WDR19: variants seen among roughly 807,000 people sequenced by gnomAD.
The protein encoded by WDR19 is WD repeat domain 19.
Under a neutral mutation model 180.0 loss-of-function variants are expected in WDR19, and 121 were observed. The observed-to-expected ratio is 0.67, with a 90% CI of 0.58 to 0.78. The LOEUF is 0.78. WDR19 is among the 30% of genes least tolerant of loss of function. WDR19 has a pLI of 0.00. For synonymous variants in WDR19, 497 were observed against 540.7 expected (o/e 0.92, Z 1.12); for missense variants, 1,450 against 1,640.7 (o/e 0.88, Z 2.01).
chr4:39,244,219 A>G, intron 21 of WDR19, 29 bp from the exon 22 acceptor site: 1 of 1,602,174 alleles, frequency 6.2e-7, no homozygotes, highest in South Asian at 1.1e-5. Context: ...CTAGAATCTG[A>G]TTTGTTAGTG....
chr4:39,279,892 G>A (rs547232614), intron 36 of WDR19, among the ~76,000 whole-genome samples: 174 of 151,746 alleles, frequency 1.1e-3, no homozygotes, highest in African/African-American at 3.7e-3. Flanking sequence ...TAGTGGAGAC[G>A]GGGTTTCACC....
At chr4:39,233,064 A>T (rs1731041260) in intron 19 of WDR19, among the ~76,000 whole-genome samples, 1 of 152,182 alleles carries the variant, frequency 6.6e-6, no homozygotes, top group Non-Finnish European at 1.5e-5. Context: ...ATCATGTATT[A>T]ATTCATTTAA....
chr4:39,263,060 TCACCCACGCC>T (rs1734444544), intron 28 of WDR19, among the ~76,000 whole-genome samples: 1 of 150,584 alleles, frequency 6.6e-6, no homozygotes, highest in African/African-American at 2.4e-5. Context: ...TGCTTGTGCT[TCACCCACGCC>T]CACCCACCCC....
intron 36 of WDR19, among the ~76,000 whole-genome samples, chr4:39,285,136 G>A (rs1281622199): frequency 6.6e-6 from 1 of 150,960 alleles, no homozygotes; most frequent in Non-Finnish European, 1.5e-5. Flanking sequence ...TGAAGCTGTT[G>A]TTCACTGGCG....
rs1730942310 is a variant in WDR19, at chr4:39,232,185, G to A, written c.2166G>A (p.Leu722=). ...QIKGIEDYNL[L]AGHLAMFTND... is the part of the protein sequence containing the mutation. Reference sequence around the variant, plus strand: ...AGGGAATAGAGGACTACAATCTTTTGGCAGGACACCTTGCCATGTTTACCA... The same window carrying A: ...AGGGAATAGAGGACTACAATCTTTTAGCAGGACACCTTGCCATGTTTACCA... The change falls in exon 19 of 37, where the codon TTG becomes TTA. Residue 722 remains leucine, a synonymous_variant. Coordinates refer to ENST00000399820, the MANE Select transcript of WDR19 (RefSeq NM_025132.4). 1 of 1,613,020 alleles carries A rather than the reference G, an allele frequency of 6.2e-7. No homozygotes were observed. Among genetic ancestry groups the A allele is most frequent in the East Asian group, 2.2e-5 (1 of 44,846 alleles).
At chr4:39,222,228 G>A (rs73136728) in intron 14 of WDR19, among the ~76,000 whole-genome samples, 1,580 of 152,178 alleles carry the variant, frequency 0.01, 26 homozygotes, top group African/African-American at 0.036. Context: ...TTGGTGAAGC[G>A]TCTGTTCAAA....
At chr4:39,219,113 A>C (rs1729397088) in intron 14 of WDR19, 1 of 152,230 alleles carries the variant, frequency 6.6e-6, no homozygotes, top group Admixed American at 6.5e-5. Context: ...TTTTTTTAAT[A>C]AATAGAAGTG....
At chr4:39,273,098 A>C in intron 32 of WDR19, 37 bp downstream of exon 32, 1 of 1,501,426 alleles carries the variant, frequency 6.7e-7, no homozygotes. Flanking sequence ...CCCATGCCCC[A>C]TGCCCCATGC....
intron 15 of WDR19, among the ~76,000 whole-genome samples, chr4:39,225,438 C>T (rs962782876): frequency 6.6e-6 from 1 of 152,074 alleles, no homozygotes; most frequent in African/African-American, 2.4e-5. Context: ...ATCCTGAGCA[C>T]AAGGAACAGG....
At chr4:39,203,112 CTTT>C (rs553565048) in intron 6 of WDR19, among the ~76,000 whole-genome samples, 10 of 135,662 alleles carry the variant, frequency 7.4e-5, no homozygotes, top group Non-Finnish European at 8.0e-5. Flanking sequence ...CTTTTTCTTT[CTTT>C]TTTTTTTTTT....
intron 6 of WDR19, among the ~76,000 whole-genome samples, chr4:39,203,139 T>C (rs1480864574): frequency 6.7e-6 from 1 of 148,596 alleles, no homozygotes; most frequent in Non-Finnish European, 1.5e-5. Flanking sequence ...TGAGACAGGG[T>C]CTTGCTCTGA....
chr4:39,199,097 C>T (rs1017435720), intron 5 of WDR19, among the ~76,000 whole-genome samples: 1 of 151,980 alleles, frequency 6.6e-6, no homozygotes. Flanking sequence ...GCCTGGGAAG[C>T]AGAGGTTGCA....
At chr4:39,280,119 GTTTTT>G (rs551041321) in intron 36 of WDR19, among the ~76,000 whole-genome samples, 1 of 53,974 alleles carries the variant, frequency 1.9e-5, no homozygotes, top group East Asian at 5.7e-4. Flanking sequence ...CCCTTTTCTT[GTTTTT>G]TTTTTTTTTT....
At chr4:39,241,527 G>A (rs1464513002) in intron 21 of WDR19, among the ~76,000 whole-genome samples, 1 of 150,558 alleles carries the variant, frequency 6.6e-6, no homozygotes, top group Non-Finnish European at 1.5e-5. Flanking sequence ...CCGGGGCCGG[G>A]CACAGTGGCT....
rs1221235875 is a variant in WDR19 at position 39,253,957 on chromosome 4, G to A, written c.2928G>A (p.Met976Ile). The change falls in exon 26 of 37, where the codon ATG becomes ATA. Residue 976 changes from methionine (M) to isoleucine (I), a missense_variant. Coordinates refer to ENST00000399820, the MANE Select transcript of WDR19 (RefSeq NM_025132.4). ...GGTCTGCCATCCAGTTTCTTGTCAT[G>A]TCCAAATGCAACAATGAAGCTTTCA... is the stretch of plus-strand genomic sequence containing the variant. ...DYGSAIQFLV[M>I]SKCNNEAFTL... 2.5e-6 allele frequency: 4 copies of A among 1,611,692 alleles called. No homozygotes were observed.
In WDR19 at chr4:39,240,351, ATAAGATATGCC is replaced by A; in HGVS notation, c.2421+21_2421+31del. 1 of 1,389,162 alleles carries A rather than the reference ATAAGATATGCC, an allele frequency of 7.2e-7. No homozygotes were observed. Among genetic ancestry groups the A allele is most frequent in the South Asian group, 1.7e-5 (1 of 57,170 alleles). The allele number at this position is 1,389,162 out of a possible 1,614,324, so 86.1% of individuals were successfully genotyped here. On this transcript the variant is annotated intron_variant, in intron 21 of 36. Coordinates refer to ENST00000399820, the MANE Select transcript of WDR19 (RefSeq NM_025132.4). ...GATAATAAGGTAACCTTGGATAAAGATAAGATATGCCTAATTATGTCTGGGTTTGTTTTCAG... is the reference window on the plus strand; with the variant it reads ...GATAATAAGGTAACCTTGGATAAAGATAATTATGTCTGGGTTTGTTTTCAG...
intron 27 of WDR19, 36 bp from the exon 28 acceptor site, chr4:39,257,450 T>G: frequency 6.5e-7 from 1 of 1,547,480 alleles, no homozygotes; most frequent in Non-Finnish European, 8.8e-7. Flanking sequence ...GTGAAAACAT[T>G]CTGAAAATTT....
intron 4 of WDR19, among the ~76,000 whole-genome samples, chr4:39,193,802 G>C (rs1315923525): frequency 6.6e-6 from 1 of 152,160 alleles, no homozygotes; most frequent in Non-Finnish European, 1.5e-5. Flanking sequence ...CAGGTAGCTG[G>C]GTGCCACTTT....
At chr4:39,189,321 T>C (rs1209684687) in intron 3 of WDR19, among the ~76,000 whole-genome samples, 1 of 152,212 alleles carries the variant, frequency 6.6e-6, no homozygotes. Context: ...CCAGATGTGA[T>C]TCATTTGTAA....
Sources: allele counts gnomAD v4.1 joint callset (sites outside exome capture counted in the v4.1 genomes callset), GRCh38; gene constraint gnomAD v4.1.1; transcripts MANE v1.5; gene names NCBI Gene and HGNC (gene_info 2026-07-23, HGNC 2026-07-21).